Variants in BLM observed in about 807,000 individuals in gnomAD.
The protein encoded by BLM is recQ-like DNA helicase BLM.
In BLM, 95 loss-of-function variants were observed where a neutral mutation model predicts 135.3. The ratio of observed to expected loss-of-function variants is 0.70; its 90% CI spans 0.59 to 0.83. The LOEUF is 0.83. BLM is among the 40% of genes least tolerant of loss of function. The pLI, the probability that BLM is intolerant of heterozygous loss-of-function variation, is 0.00. For missense variants in BLM, 1,518 were observed against 1,663.9 expected (o/e 0.91, Z 1.53); for synonymous variants, 520 against 589.2 (o/e 0.88, Z 1.70).
At chr15:90,797,547 C>G (rs1897059571) in intron 16 of BLM, among the ~76,000 whole-genome samples, 1 of 151,588 alleles carries the variant, frequency 6.6e-6, no homozygotes, top group Non-Finnish European at 1.5e-5. Flanking sequence ...ACCTGTTCAT[C>G]TCCAGGTTAT....
At position 90,755,922 on chromosome 15, in the gene BLM, A is replaced by G. The variant is rs1895805167; in HGVS notation, c.1087+984A>G. Among the ~76,000 whole-genome samples, 4 of 151,944 alleles carry G rather than the reference A, an allele frequency of 2.6e-5. No homozygotes were observed. The South Asian group carries it at 8.3e-4, about 32-fold the overall frequency. ...CGACGTCTGCATGCATGTGCGGGTC[A>G]TGTGTGTAGTGTTCTCTGTGTGTTG... On this transcript the variant is annotated intron_variant, in intron 5 of 21. Transcript: ENST00000355112.
At chr15:90,732,259 T>C (rs1265098015) in intron 1 of BLM, among the ~76,000 whole-genome samples, 2 of 152,156 alleles carry the variant, frequency 1.3e-5, no homozygotes, top group African/African-American at 4.8e-5. Context: ...TTTTCTTTAT[T>C]TTGAAATTTT....
chr15:90,804,410 G>A, intron 19 of BLM, 51 bp downstream of exon 19: 1 of 1,537,138 alleles, frequency 6.5e-7, no homozygotes, highest in Non-Finnish European at 9.0e-7. Context: ...TAGGCCGAAA[G>A]TTAATCTTGC....
chr15:90,782,965 C>A, intron 13 of BLM, 37 bp downstream of exon 13: 1 of 1,499,774 alleles, frequency 6.7e-7, no homozygotes, highest in Admixed American at 1.7e-5. Context: ...CTAGAAGTAA[C>A]AAATGTCTTT....
intron 19 of BLM, among the ~76,000 whole-genome samples, chr15:90,807,071 T>G (rs781669242): frequency 3.9e-5 from 6 of 152,240 alleles, no homozygotes; most frequent in Non-Finnish European, 8.8e-5. Flanking sequence ...ACTTTTTGAC[T>G]GAGTCGTCCA....
At chr15:90,724,907 G>A (rs985387893) in intron 1 of BLM, among the ~76,000 whole-genome samples, 2 of 152,022 alleles carry the variant, frequency 1.3e-5, no homozygotes, top group African/African-American at 4.8e-5. Flanking sequence ...CTACCCAGAG[G>A]AAGTTTTGTT....
intron 19 of BLM, among the ~76,000 whole-genome samples, chr15:90,805,751 G>A (rs992971369): frequency 6.6e-6 from 1 of 151,410 alleles, no homozygotes; most frequent in Non-Finnish European, 1.5e-5. Context: ...GGCTAGTCTC[G>A]AACTCCTGAC....
Position 90,790,652 on chromosome 15 carries a change from A to T in BLM, c.2827A>T (p.Ile943Phe). 1.2e-6 allele frequency: 2 copies of T among 1,614,052 alleles called. No individual in the cohort carries two copies. The highest frequency in any genetic ancestry group is 1.7e-6 in the Non-Finnish European group (2 of 1,179,896). Residue 943 changes from isoleucine to phenylalanine, a missense_variant, in exon 15 of 22, where the codon ATC (isoleucine) becomes TTC (phenylalanine). This residue lies in a region of BLM where 626 missense variants were observed against 681.1 expected (regional missense o/e 0.92). Coordinates refer to ENST00000355112, the MANE Select transcript of BLM (RefSeq NM_000057.4). ...TAAGCTTTTGCTTTTATATCAGGTT[A>T]TCTGTGCTACAATTGCATTTGGAAT... Reference protein sequence around the residue: ...KWINQDGCQVICATIAFGMGI... With the variant: ...KWINQDGCQVFCATIAFGMGI...
chr15:90,804,508 G>A (rs912629311), intron 19 of BLM, 149 bp downstream of exon 19: 25 of 868,350 alleles, frequency 2.9e-5, no homozygotes, highest in Non-Finnish European at 4.0e-5. Flanking sequence ...GTGTCACCCG[G>A]GCTGGAGTGC....
At chr15:90,804,134 C>A in intron 18 of BLM, 33 bp from the exon 19 acceptor site, 12 of 1,587,176 alleles carry the variant, frequency 7.6e-6, no homozygotes, top group Non-Finnish European at 1.0e-5. Flanking sequence ...TGCACATATA[C>A]CCACTCCTAT....
chr15:90,814,172 C>G (rs1897494513), intron 21 of BLM, among the ~76,000 whole-genome samples: 1 of 152,174 alleles, frequency 6.6e-6, no homozygotes. Context: ...ATGTCATTAC[C>G]CACAGGCTGT....
intron 21 of BLM, among the ~76,000 whole-genome samples, chr15:90,811,643 T>C (rs1897423773): frequency 6.6e-6 from 1 of 152,188 alleles, no homozygotes; most frequent in Non-Finnish European, 1.5e-5. Flanking sequence ...GACTAATAGT[T>C]ATGACTAAAG....
chr15:90,721,518 G>A (rs1326584809), intron 1 of BLM, among the ~76,000 whole-genome samples: 3 of 151,902 alleles, frequency 2.0e-5, no homozygotes, highest in Non-Finnish European at 4.4e-5. Flanking sequence ...GTACAGATGG[G>A]GTTTCACCAT....
chr15:90,748,138 C>T (rs1329010160), intron 2 of BLM, among the ~76,000 whole-genome samples: 15 of 142,522 alleles, frequency 1.1e-4, no homozygotes, highest in Admixed American at 3.6e-4. Flanking sequence ...GACGGAGTTT[C>T]GCTCTTCTTG....
intron 12 of BLM, among the ~76,000 whole-genome samples, chr15:90,779,150 G>T (rs1389886072): frequency 6.6e-6 from 1 of 152,106 alleles, no homozygotes; most frequent in Non-Finnish European, 1.5e-5. Flanking sequence ...CTCCCAAAGT[G>T]CTGGAATTAC....
chr15:90,749,472 C>G lies in BLM; in HGVS notation c.204C>G (p.Thr68=), dbSNP rs199927688. The G allele has an allele frequency of 5.0e-6, 8 of 1,613,030 alleles. No homozygotes were observed. In the East Asian group the frequency reaches 1.8e-4, roughly 36 times the overall value. ...PVLRNKDVNV[T]EDFSFSEPLP... ...TAAGAAATAAAGATGTTAATGTTAC[C>G]GAAGACTTTTCCTTCAGTGAACCTC... The change falls in exon 3 of 22, where the codon ACC becomes ACG. Residue 68 remains threonine (T), a synonymous_variant. Coordinates refer to ENST00000355112, the MANE Select transcript of BLM (RefSeq NM_000057.4).
In BLM at chr15:90,798,996, TAAAC is replaced by T. The variant is rs1163839656; in HGVS notation, c.3358+665_3358+668del. ...GAAACTGTGTCTCAAAAATAATAAA[TAAAC>T]AAACACACACAAAAATTAGCCAGGT... On this transcript the variant is annotated intron_variant, in intron 17 of 21. Coordinates refer to ENST00000355112, the MANE Select transcript of BLM (RefSeq NM_000057.4). Among the ~76,000 whole-genome samples the T allele has an allele frequency of 2.7e-5, 4 of 146,034 alleles. No homozygotes were observed. The East Asian group carries it at 6.0e-4, about 22-fold the overall frequency.
At chr15:90,766,423 T>TTTTTG (rs879522725) in intron 9 of BLM, among the ~76,000 whole-genome samples, 9 of 152,120 alleles carry the variant, frequency 5.9e-5, no homozygotes, top group Non-Finnish European at 1.2e-4. Context: ...GTTATGCTTT[T>TTTTTG]TTTTGTTTTG....
chr15:90,801,038 A>G (rs1423667084), intron 17 of BLM, among the ~76,000 whole-genome samples: 1 of 152,142 alleles, frequency 6.6e-6, no homozygotes, highest in East Asian at 1.9e-4. Flanking sequence ...AATCCCAGCT[A>G]CGCAGGAGGC....
Sources: gnomAD v4.1 joint callset for allele counts (sites outside exome capture counted in the v4.1 genomes callset) on GRCh38, gnomAD v4.1.1 for gene constraint, gnomAD v4.1.1 regional missense constraint, MANE v1.5 for transcripts, NCBI Gene and HGNC (gene_info 2026-07-23, HGNC 2026-07-21) for gene names.